The following MYO6 variants were observed in gnomAD, a reference collection of about 807,000 sequenced individuals.
The protein encoded by MYO6 is myosin VI, also known as unconventional myosin-VI.
Under a neutral mutation model 178.7 loss-of-function variants are expected in MYO6, and 74 were observed. That is an observed-to-expected ratio of 0.41 (90% CI 0.34 to 0.50). The LOEUF (loss-of-function observed/expected upper bound fraction) is 0.50, where lower values mean the gene tolerates loss of function less well. MYO6 is among the 20% of genes least tolerant of loss of function. The pLI, the probability that MYO6 is intolerant of heterozygous loss-of-function variation, is 0.09. For synonymous variants in MYO6, 477 were observed against 504.6 expected (o/e 0.95, Z 0.73); for missense variants, 1,330 against 1,547.4 (o/e 0.86, Z 2.36).
intron 14 of MYO6, among the ~76,000 whole-genome samples, chr6:75,859,618 C>T (rs1317711076): frequency 6.6e-6 from 1 of 150,786 alleles, no homozygotes; most frequent in Non-Finnish European, 1.5e-5. Flanking sequence ...CTACTTCTAC[C>T]ACACCAAACA....
chr6:75,825,246 T>G (rs1271358845), intron 3 of MYO6, among the ~76,000 whole-genome samples: 1 of 152,214 alleles, frequency 6.6e-6, no homozygotes, highest in Non-Finnish European at 1.5e-5. Flanking sequence ...CACATAATGT[T>G]CTTCGTGAAT....
intron 33 of MYO6, 126 bp downstream of exon 33, chr6:75,911,824 TTA>T (rs1780776161): frequency 1.2e-6 from 1 of 846,622 alleles, no homozygotes; most frequent in Admixed American, 2.0e-5. Flanking sequence ...GTTAAAGTTG[TTA>T]TATCCATACT....
intron 1 of MYO6, among the ~76,000 whole-genome samples, chr6:75,798,114 G>A (rs987532003): frequency 2.0e-5 from 3 of 152,054 alleles, no homozygotes; most frequent in Admixed American, 6.6e-5. Context: ...ATAGTTTGAG[G>A]TCTTATATTT....
intron 1 of MYO6, among the ~76,000 whole-genome samples, chr6:75,806,652 G>A (rs568258508): frequency 1.3e-5 from 2 of 152,270 alleles, no homozygotes; most frequent in South Asian, 2.1e-4. Context: ...CGCCCAGGGC[G>A]GAAAACTGCT....
In MYO6 at chr6:75,841,586, C is replaced by T. The variant is rs574147643; in HGVS notation, c.816+208C>T. Among the ~76,000 whole-genome samples, 15 of 151,828 alleles carry T rather than the reference C, an allele frequency of 9.9e-5. No individual in the cohort carries two copies. The South Asian group carries it at 1.2e-3, about 13-fold the overall frequency. ...GCACTCACCTGTAGTTCCAGCTACT[C>T]GGGAGGCTGAGGTGGGAGGATCACC... On this transcript the variant is annotated intron_variant, in intron 9 of 34. Coordinates refer to ENST00000369977, the MANE Select transcript of MYO6 (RefSeq NM_004999.4).
intron 2 of MYO6, among the ~76,000 whole-genome samples, chr6:75,822,389 T>C (rs1771980266): frequency 6.6e-6 from 1 of 152,178 alleles, no homozygotes; most frequent in Admixed American, 6.5e-5. Context: ...TGAGCCACTG[T>C]GCCCGGTTAC....
chr6:75,817,801 T>G, intron 2 of MYO6, 137 bp downstream of exon 2: 1 of 783,686 alleles, frequency 1.3e-6, no homozygotes, highest in South Asian at 1.5e-5. Context: ...TGTTTTCTCC[T>G]GACTTCTTTG....
rs745986505 is a variant in MYO6 at position 75,898,360 on chromosome 6, G to A, written c.3138-13G>A. 62 of 1,591,650 alleles carry A rather than the reference G, an allele frequency of 3.9e-5. 1 individual carries two copies. Among genetic ancestry groups the A allele is most frequent in the Admixed American group, 1.0e-4 (6 of 59,910 alleles). The stretch of plus-strand genomic sequence containing the variant: ...TTTTATGTAACCATATTGTATTATC[G>A]TTTTTCTTGTAGGGAACAAATGGCC... On this transcript the variant is annotated splice_polypyrimidine_tract_variant and intron_variant, in intron 29 of 34. Transcript: ENST00000369977.
chr6:75,820,214 C>T (rs190997444), intron 2 of MYO6, among the ~76,000 whole-genome samples: 58 of 152,222 alleles, frequency 3.8e-4, no homozygotes, highest in African/African-American at 1.3e-3. Context: ...TTGTGTCAAC[C>T]AAGTCTCCCC....
At chr6:75,838,952 G>T (rs142762394) in intron 7 of MYO6, among the ~76,000 whole-genome samples, 251 of 152,078 alleles carry the variant, frequency 1.7e-3, no homozygotes, top group African/African-American at 5.9e-3. Flanking sequence ...GAGCCACCGC[G>T]CCTGGCTGAC....
intron 1 of MYO6, among the ~76,000 whole-genome samples, chr6:75,769,223 T>C (rs1778706379): frequency 6.6e-6 from 1 of 152,138 alleles, no homozygotes; most frequent in Non-Finnish European, 1.5e-5. Context: ...TTCCACCAAA[T>C]CTCATGTTCT....
chr6:75,866,914 G>A lies in MYO6; in HGVS notation c.1771-18G>A. ...TCACAAGATGGACAGAAACATTCCT[G>A]TTTGATTTATTTTTCAGACCCAGTT... On this transcript the variant is annotated intron_variant, in intron 17 of 34. Coordinates refer to ENST00000369977, the MANE Select transcript of MYO6 (RefSeq NM_004999.4). 6.2e-7 allele frequency: 1 copy of A among 1,612,552 alleles called. No homozygotes were observed. Among genetic ancestry groups the A allele is most frequent in the Non-Finnish European group, 8.5e-7 (1 of 1,178,890 alleles).
At chr6:75,769,994 G>A (rs1028017074) in intron 1 of MYO6, among the ~76,000 whole-genome samples, 3 of 152,196 alleles carry the variant, frequency 2.0e-5, no homozygotes, top group Non-Finnish European at 2.9e-5. Flanking sequence ...ACTTCTGGAG[G>A]GCAGTGGCCC....
chr6:75,791,234 A>G (rs1469228264), intron 1 of MYO6, among the ~76,000 whole-genome samples: 2 of 152,150 alleles, frequency 1.3e-5, no homozygotes, highest in Non-Finnish European at 2.9e-5. Flanking sequence ...TGCCCGGCCT[A>G]ATAGCTGTAT....
In MYO6 at chr6:75,881,837, A is replaced by G. The variant is rs746504356; in HGVS notation, c.2416+19A>G. The G allele has an allele frequency of 1.9e-6, 3 of 1,612,454 alleles. No individual in the cohort carries two copies. Among genetic ancestry groups the G allele is most frequent in the African/African-American group, 2.7e-5 (2 of 74,958 alleles). ...ATCAAATGTAGGTGTTTTCCTTTAC[A>G]CCTATAGGATCTTTCATTGTTTCAA... On this transcript the variant is annotated intron_variant, in intron 23 of 34. Coordinates refer to ENST00000369977, the MANE Select transcript of MYO6 (RefSeq NM_004999.4).
In MYO6 at chr6:75,749,400, G is replaced by C. The variant is rs1341339966; in HGVS notation, c.-71G>C. The C allele has an allele frequency of 6.5e-6, 1 of 153,066 alleles. No homozygotes were observed. Among genetic ancestry groups the C allele is most frequent in the Admixed American group, 6.5e-5 (1 of 15,298 alleles). The allele number at this position is 153,066 out of a possible 1,614,324, so 9.5% of individuals were successfully genotyped here. A position where few individuals can be genotyped will look rare whatever the true frequency, so the allele number is the denominator to read the frequency against. The stretch of plus-strand genomic sequence containing the variant: ...CCCGTACAGGTAGCCCCGCCGCCGC[G>C]CACCTGCCTTCGCTCCCGCACCGGT... On this transcript the variant is annotated 5_prime_UTR_variant, in exon 1 of 35. Coordinates refer to ENST00000369977, the MANE Select transcript of MYO6 (RefSeq NM_004999.4).
chr6:75,796,557 TA>T (rs945480113), intron 1 of MYO6, among the ~76,000 whole-genome samples: 4 of 152,230 alleles, frequency 2.6e-5, no homozygotes, highest in South Asian at 2.1e-4. Flanking sequence ...CAGTACCCAA[TA>T]GGTAGTTTTT....
intron 24 of MYO6, 125 bp downstream of exon 24, chr6:75,886,219 G>T: frequency 4.6e-6 from 3 of 649,960 alleles, no homozygotes; most frequent in Non-Finnish European, 8.3e-6. Flanking sequence ...GTAAAATGAT[G>T]TATTAGTCTT....
intron 18 of MYO6, among the ~76,000 whole-genome samples, chr6:75,869,070 A>ATTTT (rs71544072): frequency 5.0e-5 from 3 of 59,900 alleles, no homozygotes; most frequent in African/African-American, 6.6e-5. Context: ...CTTTATCTCC[A>ATTTT]TTTTTTTTTT....
Sources: gnomAD v4.1 joint callset for allele counts (sites outside exome capture counted in the v4.1 genomes callset) on GRCh38, gnomAD v4.1.1 for gene constraint, MANE v1.5 for transcripts, NCBI Gene and HGNC (gene_info 2026-07-23, HGNC 2026-07-21) for gene names.